The following KIRREL3 variants were observed in gnomAD, a reference collection of about 807,000 sequenced individuals.
The protein encoded by KIRREL3 is kirre like nephrin family adhesion molecule 3, also known as kin of IRRE-like protein 3.
Under a neutral mutation model 89.7 loss-of-function variants are expected in KIRREL3, and 36 were observed. That is an observed-to-expected ratio of 0.40 (90% CI 0.31 to 0.53). The LOEUF (loss-of-function observed/expected upper bound fraction) is 0.53. Among genes scored for constraint, KIRREL3 ranks in the 20% least tolerant of loss-of-function variants. The probability of loss-of-function intolerance (pLI) is 0.49; values close to 1 mark genes in which losing one functional copy is unlikely to be tolerated. For missense variants in KIRREL3, 864 were observed against 1,056.6 expected, an observed-to-expected ratio of 0.82 and a Z score of 2.53; for synonymous variants, 445 against 441.4, an observed-to-expected ratio of 1.01 and a Z score of -0.10.
rs757352902 is a variant in KIRREL3 at position 126,425,603 on chromosome 11, C to T, written c.1893+35G>A. 7.9e-6 allele frequency: 12 copies of T among 1,510,640 alleles called. No individual in the cohort carries two copies. In the African/African-American group the frequency reaches 1.7e-4, roughly 21 times the overall value. 93.6% of individuals were successfully genotyped at this position (1,510,640 alleles called of 1,614,324 possible). A position where few individuals can be genotyped will look rare whatever the true frequency, so the allele number is the denominator to read the frequency against. On this transcript the variant is annotated intron_variant, in intron 16 of 16. Transcript: ENST00000525144. ...GCCATCAGAGCTAAAGACCAGATTC[C>T]ATGGCTGTGTCTTATAACCCGGGGC...
intron 1 of KIRREL3, among the ~76,000 whole-genome samples, chr11:126,911,064 A>G (rs1249229086): frequency 2.0e-5 from 3 of 152,190 alleles, no homozygotes; most frequent in African/African-American, 7.2e-5. Flanking sequence ...CACCATGAAC[A>G]GAAAGGGTTG....
chr11:126,753,169 C>T (rs1949390388), intron 1 of KIRREL3, among the ~76,000 whole-genome samples: 1 of 152,176 alleles, frequency 6.6e-6, no homozygotes, highest in South Asian at 2.1e-4. Flanking sequence ...GCTAAAAGTT[C>T]CCCAGGGCAT....
At position 126,449,090 on chromosome 11, in the gene KIRREL3, T is replaced by C. The variant is rs754143385; in HGVS notation, c.916A>G (p.Thr306Ala). 2 of 1,614,008 alleles carry C rather than the reference T, an allele frequency of 1.2e-6. No individual in the cohort carries two copies. Among genetic ancestry groups the C allele is most frequent in the South Asian group, 1.1e-5 (1 of 91,088 alleles). The stretch of plus-strand genomic sequence containing the variant: ...CAGGAGACGGGCTCTGAGAAGTACG[T>C]GTAGTCCACTGTGGTCCTGTACACC... ...GEVYRTTVDYTYFSEPVSCEV... is the reference protein window; with the variant it reads ...GEVYRTTVDYAYFSEPVSCEV... The change falls in exon 8 of 17, where the codon ACG becomes GCG. Residue 306 changes from threonine to alanine, a missense_variant. By Grantham distance (58) the Thr-to-Ala change is moderately conservative. Coordinates refer to ENST00000525144, the MANE Select transcript of KIRREL3 (RefSeq NM_032531.4).
chr11:126,592,048 C>T (rs551802143), intron 1 of KIRREL3, among the ~76,000 whole-genome samples: 1 of 152,256 alleles, frequency 6.6e-6, no homozygotes, highest in African/African-American at 2.4e-5. Flanking sequence ...AGAGGAGTCC[C>T]TGGGACAGCT....
At chr11:126,818,623 T>TTG (rs771686378) in intron 1 of KIRREL3, among the ~76,000 whole-genome samples, 1 of 22,468 alleles carries the variant, frequency 4.5e-5, no homozygotes, top group Non-Finnish European at 1.1e-4. Context: ...GTAGTAGTAG[T>TTG]AGTGTGTGTG....
intron 1 of KIRREL3, among the ~76,000 whole-genome samples, chr11:126,950,039 T>A (rs1785097291): frequency 6.6e-6 from 1 of 152,224 alleles, no homozygotes; most frequent in African/African-American, 2.4e-5. Flanking sequence ...TTGTTTTTTT[T>A]AAATGGAAAC....
Position 126,455,385 on chromosome 11 carries a change from A to G in KIRREL3, c.848+964T>C, listed in dbSNP as rs553322115. 6.6e-6 allele frequency among the ~76,000 whole-genome samples: 1 copy of G among 152,228 alleles called. No homozygotes were observed. The highest frequency in any genetic ancestry group is 1.5e-5 in the Non-Finnish European group (1 of 68,046). On this transcript the variant is annotated intron_variant, in intron 7 of 16. Coordinates refer to ENST00000525144, the MANE Select transcript of KIRREL3 (RefSeq NM_032531.4). The surrounding 1 kb of genome is among the most constrained non-coding windows in gnomAD (Gnocchi z 6.4). ...GATCAGTCAGACACATCTAAGGAGC[A>G]TGTGGTTTATGCCATGTGCTGTGCT... is the stretch of plus-strand genomic sequence containing the variant.
intron 1 of KIRREL3, among the ~76,000 whole-genome samples, chr11:126,638,401 C>T (rs1039448541): frequency 6.6e-6 from 1 of 152,214 alleles, no homozygotes; most frequent in Non-Finnish European, 1.5e-5. Context: ...CCTTAGGGCA[C>T]CCAGGAACTC....
chr11:126,666,072 T>C lies in KIRREL3; in HGVS notation c.56-103160A>G, dbSNP rs549238378. Among the ~76,000 whole-genome samples the C allele has an allele frequency of 8.5e-5, 13 of 152,346 alleles. No homozygotes were observed. In the East Asian group the frequency reaches 2.5e-3, roughly 29 times the overall value. The stretch of plus-strand genomic sequence containing the variant: ...TTATTTTGAAGGCGCTCCTCGGAGA[T>C]TCTGATTTGCATCCATGGTTCAGAA... On this transcript the variant is annotated intron_variant, in intron 1 of 16. Coordinates refer to ENST00000525144, the MANE Select transcript of KIRREL3 (RefSeq NM_032531.4). The surrounding 1 kb of genome is among the most constrained non-coding windows in gnomAD (Gnocchi z 4.2).
chr11:126,542,917 G>A lies in KIRREL3; in HGVS notation c.134-16230C>T, dbSNP rs549145806. Among the ~76,000 whole-genome samples, 12 of 152,242 alleles carry A rather than the reference G, an allele frequency of 7.9e-5. No homozygotes were observed. In the South Asian group the frequency reaches 8.3e-4, roughly 11 times the overall value. ...CTGGGATTGTGGGCCGTCTTCTGGT[G>A]GGTTTGGGATATTAACCACAACTAA... On this transcript the variant is annotated intron_variant, in intron 2 of 16. Transcript: ENST00000525144.
rs912768205 is a variant in KIRREL3, at chr11:126,708,942, T to G, written c.56-146030A>C. On this transcript the variant is annotated intron_variant, in intron 1 of 16. Transcript: ENST00000525144. This position sits in a 1 kb window ranked among gnomAD's most constrained non-coding sequence, Gnocchi z 5.7. ...CCTTCAGGCTGTTTCTTGAATTGGT[T>G]TCTTCTCTATCCCACTATTACTGTC... is the stretch of plus-strand genomic sequence containing the variant. Among the ~76,000 whole-genome samples, 2 of 152,216 alleles carry G rather than the reference T, an allele frequency of 1.3e-5. No individual in the cohort carries two copies. Among genetic ancestry groups the G allele is most frequent in the East Asian group, 1.9e-4 (1 of 5,192 alleles).
intron 1 of KIRREL3, among the ~76,000 whole-genome samples, chr11:126,958,565 C>T (rs920605397): frequency 6.6e-6 from 1 of 152,214 alleles, no homozygotes; most frequent in African/African-American, 2.4e-5. Context: ...AGGGATATGC[C>T]TGCCTCTTTC....
chr11:126,998,625 G>C (rs1950236954), intron 1 of KIRREL3, among the ~76,000 whole-genome samples: 1 of 152,220 alleles, frequency 6.6e-6, no homozygotes, highest in Non-Finnish European at 1.5e-5. Context: ...ACATGAAGCA[G>C]TCAAGAAACA....
At chr11:126,706,200 T>C (rs1199534506) in intron 1 of KIRREL3, among the ~76,000 whole-genome samples, 1 of 152,206 alleles carries the variant, frequency 6.6e-6, no homozygotes, top group Non-Finnish European at 1.5e-5. Flanking sequence ...TTATTTCCAG[T>C]GGCTATATTT....
At chr11:126,450,207 ATG>A (rs532668214) in intron 7 of KIRREL3, among the ~76,000 whole-genome samples, 110 of 151,722 alleles carry the variant, frequency 7.3e-4, no homozygotes, top group Non-Finnish European at 1.3e-3. Flanking sequence ...GTTCATGTGA[ATG>A]TGTGCATGTA....
intron 1 of KIRREL3, among the ~76,000 whole-genome samples, chr11:126,998,993 G>A (rs1950248912): frequency 6.8e-6 from 1 of 146,986 alleles, no homozygotes; most frequent in Admixed American, 6.9e-5. Context: ...AAGAAAGAGG[G>A]TAATCTTACC....
At position 126,724,107 on chromosome 11, in the gene KIRREL3, T is replaced by C. The variant is rs1481512745; in HGVS notation, c.56-161195A>G. Among the ~76,000 whole-genome samples the C allele has an allele frequency of 2.0e-5, 3 of 152,154 alleles. No homozygotes were observed. Among genetic ancestry groups the C allele is most frequent in the African/African-American group, 4.8e-5 (2 of 41,432 alleles). ...TCAAAACCAAGTCTCCTTCTGGAGATAGAGATGCAGATCACCACCTACCCC... is the reference window on the plus strand; with the variant it reads ...TCAAAACCAAGTCTCCTTCTGGAGACAGAGATGCAGATCACCACCTACCCC... On this transcript the variant is annotated intron_variant, in intron 1 of 16. Coordinates refer to ENST00000525144, the MANE Select transcript of KIRREL3 (RefSeq NM_032531.4). The surrounding 1 kb of genome is among the most constrained non-coding windows in gnomAD (Gnocchi z 4.3).
intron 1 of KIRREL3, among the ~76,000 whole-genome samples, chr11:126,974,736 G>T (rs761014316): frequency 6.6e-6 from 1 of 152,096 alleles, no homozygotes; most frequent in Non-Finnish European, 1.5e-5. Context: ...TACAAGGTTT[G>T]GCTCTATCAC....
intron 1 of KIRREL3, among the ~76,000 whole-genome samples, chr11:126,863,598 CGTGTGTGTTTGCGTGCGT>C (rs1944813036): frequency 4.0e-5 from 3 of 74,572 alleles, no homozygotes; most frequent in African/African-American, 1.7e-4. Flanking sequence ...TGTTTGAGTG[CGTGTGTGTTTGCGTGCGT>C]GTGTGTGTGT....
Sources: allele counts gnomAD v4.1 joint callset (sites outside exome capture counted in the v4.1 genomes callset), GRCh38; gene constraint gnomAD v4.1.1; non-coding constraint Gnocchi (gnomAD v3.1); transcripts MANE v1.5; gene names NCBI Gene and HGNC (gene_info 2026-07-23, HGNC 2026-07-21).